Variants in MAGI2 observed in about 807,000 individuals in gnomAD.
The protein encoded by MAGI2 is membrane-associated guanylate kinase, WW and PDZ domain-containing protein 2.
MAGI2 carries 35 observed loss-of-function variants against 133.3 expected under a neutral mutation model. The observed-to-expected ratio is 0.26, with a 90% CI of 0.20 to 0.35. MAGI2 has a LOEUF of 0.35. Among genes scored for constraint, MAGI2 ranks in the 10% least tolerant of loss-of-function variants. The pLI is 1.00. For synonymous variants in MAGI2, 729 were observed against 710.6 expected, an observed-to-expected ratio of 1.03 and a Z score of -0.41; for missense variants, 1,636 against 1,863.4, an observed-to-expected ratio of 0.88 and a Z score of 2.25.
intron 1 of MAGI2, among the ~76,000 whole-genome samples, chr7:79,144,037 C>T (rs1822381942): frequency 6.6e-6 from 1 of 152,120 alleles, no homozygotes; most frequent in Non-Finnish European, 1.5e-5. Context: ...CATTACCAAA[C>T]ATACAGTATC....
intron 1 of MAGI2, among the ~76,000 whole-genome samples, chr7:79,371,607 T>C (rs1843056144): frequency 6.6e-6 from 1 of 152,192 alleles, no homozygotes; most frequent in Non-Finnish European, 1.5e-5. Context: ...CAGTAGGCTA[T>C]GTCATATATA....
intron 1 of MAGI2, among the ~76,000 whole-genome samples, chr7:79,092,150 G>A (rs568204266): frequency 1.3e-5 from 2 of 152,092 alleles, no homozygotes; most frequent in South Asian, 2.1e-4. Flanking sequence ...TAATAAAAGA[G>A]GAAAGAAAAA....
intron 6 of MAGI2, among the ~76,000 whole-genome samples, chr7:78,399,068 T>C (rs1230787093): frequency 6.6e-6 from 1 of 152,194 alleles, no homozygotes; most frequent in Non-Finnish European, 1.5e-5. Flanking sequence ...AATTAATGTG[T>C]CTAAAAATGG....
At chr7:79,429,027 G>A (rs1847590045) in intron 1 of MAGI2, among the ~76,000 whole-genome samples, 1 of 151,934 alleles carries the variant, frequency 6.6e-6, no homozygotes, top group Non-Finnish European at 1.5e-5. Flanking sequence ...GAAACAGCCT[G>A]TATATAACTT....
At chr7:79,246,597 ACAGT>A (rs1832838188) in intron 1 of MAGI2, among the ~76,000 whole-genome samples, 1 of 152,302 alleles carries the variant, frequency 6.6e-6, no homozygotes, top group African/African-American at 2.4e-5. Flanking sequence ...TTGAAAACAC[ACAGT>A]CAGAGGAGAT....
intron 1 of MAGI2, among the ~76,000 whole-genome samples, chr7:79,148,128 G>T (rs1273856848): frequency 1.3e-5 from 2 of 152,134 alleles, no homozygotes; most frequent in African/African-American, 2.4e-5. Flanking sequence ...TTTATCAGAA[G>T]GAAATTTTCA....
At chr7:79,445,642 C>T (rs1376841228) in intron 1 of MAGI2, among the ~76,000 whole-genome samples, 2 of 152,124 alleles carry the variant, frequency 1.3e-5, no homozygotes, top group Non-Finnish European at 2.9e-5. Flanking sequence ...GTTAGAATGG[C>T]AACCATTAAA....
intron 6 of MAGI2, among the ~76,000 whole-genome samples, chr7:78,461,610 G>C (rs887035663): frequency 2.6e-5 from 4 of 151,970 alleles, no homozygotes; most frequent in Non-Finnish European, 5.9e-5. Context: ...GAAGAGAAGT[G>C]ATGTAAAAAA....
chr7:79,066,161 A>G (rs1004193249), intron 1 of MAGI2, among the ~76,000 whole-genome samples: 2 of 152,064 alleles, frequency 1.3e-5, no homozygotes, highest in Non-Finnish European at 2.9e-5. Context: ...GGTTGAACTA[A>G]TTTACACTCC....
chr7:78,786,956 C>CTT (rs1391542447), intron 2 of MAGI2, among the ~76,000 whole-genome samples: 1 of 148,592 alleles, frequency 6.7e-6, no homozygotes, highest in Non-Finnish European at 1.5e-5. Context: ...TCTTTCTTTC[C>CTT]TTTTTTTGTT....
At chr7:79,334,850 T>A (rs1038556070) in intron 1 of MAGI2, among the ~76,000 whole-genome samples, 3 of 152,192 alleles carry the variant, frequency 2.0e-5, no homozygotes, top group African/African-American at 7.2e-5. Context: ...TCCATCTTCA[T>A]CAGATTATTC....
At chr7:79,136,064 AGAAG>A (rs1204173487) in intron 1 of MAGI2, among the ~76,000 whole-genome samples, 29 of 124,348 alleles carry the variant, frequency 2.3e-4, no homozygotes, top group African/African-American at 6.9e-4. Context: ...AAAGAAAGAA[AGAAG>A]GAAAGAAAGA....
chr7:78,121,517 A>G (rs1820477429), intron 20 of MAGI2, among the ~76,000 whole-genome samples: 1 of 152,254 alleles, frequency 6.6e-6, no homozygotes, highest in Non-Finnish European at 1.5e-5. Flanking sequence ...ATTTGTAATC[A>G]AGAAATGCAA....
intron 10 of MAGI2, among the ~76,000 whole-genome samples, chr7:78,232,307 T>C (rs1039715202): frequency 6.6e-6 from 1 of 152,222 alleles, no homozygotes; most frequent in Non-Finnish European, 1.5e-5. Context: ...TTGAAAGTCA[T>C]ATATGACTGT....
intron 2 of MAGI2, among the ~76,000 whole-genome samples, chr7:78,859,679 C>T (rs1793991152): frequency 3.6e-5 from 2 of 54,844 alleles, no homozygotes; most frequent in Non-Finnish European, 8.7e-5. Flanking sequence ...AACACTATTT[C>T]CTTCATTTCA....
At chr7:78,307,343 C>T (rs1798324803) in intron 9 of MAGI2, among the ~76,000 whole-genome samples, 1 of 152,168 alleles carries the variant, frequency 6.6e-6, no homozygotes, top group Non-Finnish European at 1.5e-5. Flanking sequence ...TAAATAGGTG[C>T]AGATACTTTG....
At chr7:79,278,592 T>C (rs935014065) in intron 1 of MAGI2, among the ~76,000 whole-genome samples, 5 of 152,328 alleles carry the variant, frequency 3.3e-5, no homozygotes, top group African/African-American at 7.2e-5. Context: ...ACTGGGCTGG[T>C]GCAGTTTCTC....
chr7:78,329,065 A>G (rs1049388827), intron 9 of MAGI2, among the ~76,000 whole-genome samples: 4 of 152,174 alleles, frequency 2.6e-5, no homozygotes, highest in African/African-American at 9.7e-5. Flanking sequence ...TTTACCTTAC[A>G]GAGTTTGATT....
chr7:78,642,650 T>G (rs1437098692), intron 2 of MAGI2, among the ~76,000 whole-genome samples: 1 of 152,192 alleles, frequency 6.6e-6, no homozygotes, highest in Non-Finnish European at 1.5e-5. Context: ...TATGAGAAAT[T>G]TTTTTATGTA....
Sources: gnomAD v4.1 joint callset for allele counts (sites outside exome capture counted in the v4.1 genomes callset) on GRCh38, gnomAD v4.1.1 for gene constraint, MANE v1.5 for transcripts, NCBI Gene and HGNC (gene_info 2026-07-23, HGNC 2026-07-21) for gene names.